Variants in ANKRD27 observed in about 807,000 individuals in gnomAD.
The protein encoded by ANKRD27 is ankyrin repeat domain 27.
Under a neutral mutation model 129.7 loss-of-function variants are expected in ANKRD27, and 112 were observed. The ratio of observed to expected loss-of-function variants is 0.86; its 90% CI spans 0.74 to 1.01. The LOEUF (loss-of-function observed/expected upper bound fraction) is 1.01. Among genes scored for constraint, ANKRD27 ranks in the 50% least tolerant of loss-of-function variants. ANKRD27 has a pLI of 0.00. For synonymous variants in ANKRD27, 516 were observed against 511.2 expected (o/e 1.01, Z -0.13); for missense variants, 1,258 against 1,300.5 (o/e 0.97, Z 0.50).
chr19:32,611,899 C>G (rs10411319), intron 22 of ANKRD27, among the ~76,000 whole-genome samples: 1 of 151,898 alleles, frequency 6.6e-6, no homozygotes, highest in Non-Finnish European at 1.5e-5. Flanking sequence ...TTTCTATTTT[C>G]TATTTTATAT....
chr19:32,630,349 C>T (rs1006441724), intron 13 of ANKRD27, among the ~76,000 whole-genome samples: 1 of 152,214 alleles, frequency 6.6e-6, no homozygotes, highest in African/African-American at 2.4e-5. Flanking sequence ...GGCACCTCAG[C>T]GGCCTGCCTG....
chr19:32,609,038 T>C (rs1282223786), intron 22 of ANKRD27, among the ~76,000 whole-genome samples: 1 of 152,108 alleles, frequency 6.6e-6, no homozygotes, highest in East Asian at 1.9e-4. Context: ...TGGCTGATTT[T>C]TGTATTTGTA....
chr19:32,599,340 C>T (rs1375796897), intron 28 of ANKRD27, among the ~76,000 whole-genome samples: 2 of 152,130 alleles, frequency 1.3e-5, no homozygotes, highest in African/African-American at 4.8e-5. Flanking sequence ...GTCTGAGCAA[C>T]TGTACACCAT....
At chr19:32,637,199 CTCA>C (rs1176809174) in intron 12 of ANKRD27, 1 of 152,192 alleles carries the variant, frequency 6.6e-6, no homozygotes, top group Non-Finnish European at 1.5e-5. Flanking sequence ...GACGCTTTAG[CTCA>C]TCATTATTTT....
intron 3 of ANKRD27, 89 bp downstream of exon 3, chr19:32,649,593 G>C: frequency 1.1e-6 from 1 of 909,924 alleles, no homozygotes; most frequent in East Asian, 2.4e-5. Context: ...GCCAGTAGCT[G>C]TGAAAGGCTG....
chr19:32,652,639 C>G (rs1006844320), intron 2 of ANKRD27, among the ~76,000 whole-genome samples: 4 of 145,390 alleles, frequency 2.8e-5, no homozygotes, highest in Admixed American at 6.9e-5. Context: ...TGAGGAAAAA[C>G]AAAAGGAGAC....
rs753590059 is a variant in ANKRD27 at position 32,628,903 on chromosome 19, G to A, written c.1210-54C>T. 5.6e-6 allele frequency: 9 copies of A among 1,598,576 alleles called. No homozygotes were observed. In the East Asian group the frequency reaches 2.0e-4, roughly 36 times the overall value. ...ACATGCTGGAATTACTCAATTATTA[G>A]GAGTAAATTTTTTGAGAGTCCTTTT... is the stretch of plus-strand genomic sequence containing the variant. On this transcript the variant is annotated intron_variant, in intron 13 of 28. Transcript: ENST00000306065.
At chr19:32,648,954 T>A (rs1021111578) in intron 3 of ANKRD27, among the ~76,000 whole-genome samples, 1 of 143,066 alleles carries the variant, frequency 7.0e-6, no homozygotes, top group Non-Finnish European at 1.5e-5. Flanking sequence ...ACAAAAAGAT[T>A]GTTTTTTGGG....
At position 32,660,504 on chromosome 19, in the gene ANKRD27, C is replaced by T. The variant is rs139817772; in HGVS notation, c.-30-1459G>A. Among the ~76,000 whole-genome samples the T allele has an allele frequency of 3.2e-3, 481 of 152,158 alleles. 3 individuals carry two copies. Among genetic ancestry groups the T allele is most frequent in the African/African-American group, 0.011 (450 of 41,492 alleles). On this transcript the variant is annotated intron_variant, in intron 1 of 28. Transcript: ENST00000306065. ...CCGCACTCCAGCCTGGGTGATAAAG[C>T]GAGACTCCGTTTCAAAAAAAAGAAA...
At chr19:32,647,467 G>A (rs978774533) in intron 3 of ANKRD27, among the ~76,000 whole-genome samples, 5 of 152,210 alleles carry the variant, frequency 3.3e-5, no homozygotes, top group Non-Finnish European at 7.3e-5. Context: ...GAGAGGGGGA[G>A]ATTTTATTCC....
rs938963853 is a variant in ANKRD27 at position 32,673,319 on chromosome 19, C to T, written c.-31+1752G>A. The T allele has an allele frequency of 6.1e-6, 6 of 985,810 alleles. No individual in the cohort carries two copies. The African/African-American group carries it at 1.0e-4, about 17-fold the overall frequency. 61.1% of individuals were successfully genotyped at this position (985,810 alleles called of 1,614,324 possible). On this transcript the variant is annotated intron_variant, in intron 1 of 28. Coordinates refer to ENST00000306065, the MANE Select transcript of ANKRD27 (RefSeq NM_032139.3). ...AAGAAGTCTCTGCTCCTGCTCCCAT[C>T]CTGCATCCCCTCCTTCCAAGGCCTA...
At chr19:32,601,430 C>T (rs1480408541) in intron 26 of ANKRD27, among the ~76,000 whole-genome samples, 1 of 151,950 alleles carries the variant, frequency 6.6e-6, no homozygotes, top group Non-Finnish European at 1.5e-5. Context: ...CCCCTCTCTA[C>T]TAAAAATACA....
chr19:32,661,335 T>C (rs1372285033), intron 1 of ANKRD27, among the ~76,000 whole-genome samples: 2 of 152,036 alleles, frequency 1.3e-5, no homozygotes, highest in Non-Finnish European at 2.9e-5. Flanking sequence ...TTGGATGTTA[T>C]TTATTTTGAG....
At chr19:32,658,165 G>A (rs1014778412) in intron 2 of ANKRD27, among the ~76,000 whole-genome samples, 1 of 152,036 alleles carries the variant, frequency 6.6e-6, no homozygotes, top group Non-Finnish European at 1.5e-5. Context: ...GAGAGTAGGG[G>A]ACAACAGACA....
chr19:32,621,751 T>G lies in ANKRD27; in HGVS notation c.1827+671A>C, dbSNP rs2145276914. 2.0e-5 allele frequency among the ~76,000 whole-genome samples: 3 copies of G among 152,286 alleles called. No homozygotes were observed. In the East Asian group the frequency reaches 5.8e-4, roughly 29 times the overall value. On this transcript the variant is annotated intron_variant, in intron 18 of 28. Coordinates refer to ENST00000306065, the MANE Select transcript of ANKRD27 (RefSeq NM_032139.3). ...CAGGGGAGCCTCAGCTTGCAGATAT[T>G]CTGGACGTCCATGCTGGGGTCTCCA...
chr19:32,631,789 C>T (rs1179109306), intron 12 of ANKRD27, among the ~76,000 whole-genome samples: 1 of 152,202 alleles, frequency 6.6e-6, no homozygotes, highest in Non-Finnish European at 1.5e-5. Flanking sequence ...GGCGCACACA[C>T]ACCATTGTCC....
Position 32,607,623 on chromosome 19 carries a change from C to T in ANKRD27, c.2373+12G>A. 1 of 1,610,216 alleles carries T rather than the reference C, an allele frequency of 6.2e-7. No individual in the cohort carries two copies. Among genetic ancestry groups the T allele is most frequent in the Non-Finnish European group, 8.5e-7 (1 of 1,179,198 alleles). ...ACACCCTGCTCCACCACCCCCAACA[C>T]ACAGCCCGAACCTGAAAGTGGCCCT... On this transcript the variant is annotated intron_variant, in intron 23 of 28. Coordinates refer to ENST00000306065, the MANE Select transcript of ANKRD27 (RefSeq NM_032139.3).
At chr19:32,634,332 G>T (rs904004719) in intron 12 of ANKRD27, among the ~76,000 whole-genome samples, 2 of 152,170 alleles carry the variant, frequency 1.3e-5, no homozygotes, top group Non-Finnish European at 2.9e-5. Context: ...AAGCCACGAC[G>T]CCTGCTCCGT....
At chr19:32,633,331 G>GTTT (rs140018331) in intron 12 of ANKRD27, among the ~76,000 whole-genome samples, 2 of 122,226 alleles carry the variant, frequency 1.6e-5, no homozygotes, top group African/African-American at 6.0e-5. Context: ...TTTTTTATCT[G>GTTT]TTTTTTTTTT....
Sources: allele counts gnomAD v4.1 joint callset (sites outside exome capture counted in the v4.1 genomes callset), GRCh38; gene constraint gnomAD v4.1.1; transcripts MANE v1.5; gene names NCBI Gene and HGNC (gene_info 2026-07-23, HGNC 2026-07-21).